The following STK33 variants were observed in gnomAD, a reference collection of about 807,000 sequenced individuals.
STK33 encodes the protein serine/threonine kinase 33.
Under a neutral mutation model 58.0 loss-of-function variants are expected in STK33, and 52 were observed. The observed-to-expected ratio is 0.90, with a 90% CI of 0.72 to 1.13. STK33 has a LOEUF of 1.13. Among genes scored for constraint, STK33 ranks in the 50% most tolerant of loss-of-function variants. STK33 has a pLI of 0.00. For synonymous variants in STK33, 215 were observed against 200.1 expected, an observed-to-expected ratio of 1.07 and a Z score of -0.63; for missense variants, 630 against 604.2, an observed-to-expected ratio of 1.04 and a Z score of -0.45.
At chr11:8,568,110 C>T (rs1007910802) in intron 1 of STK33, among the ~76,000 whole-genome samples, 2 of 152,048 alleles carry the variant, frequency 1.3e-5, no homozygotes, top group Non-Finnish European at 2.9e-5. Context: ...AAAATAATTG[C>T]CATCCAGAGA....
At chr11:8,538,854 CAGG>C (rs1955267762) in intron 1 of STK33, among the ~76,000 whole-genome samples, 1 of 152,194 alleles carries the variant, frequency 6.6e-6, no homozygotes, top group Non-Finnish European at 1.5e-5. Context: ...GATCTTCTAA[CAGG>C]AGGACTTCCT....
chr11:8,379,428 TAACTC>T, the STK33 span, among the ~76,000 whole-genome samples: 2 of 151,912 alleles, frequency 1.3e-5, no homozygotes, highest in Admixed American at 6.6e-5. Context: ...AATCTACAAA[TAACTC>T]AAACAGATTA....
chr11:8,342,859 C>T, the STK33 span, among the ~76,000 whole-genome samples: 1 of 152,162 alleles, frequency 6.6e-6, no homozygotes, highest in Non-Finnish European at 1.5e-5. Flanking sequence ...GACCAAAGAG[C>T]AAAAGGAGCA....
intron 1 of STK33, among the ~76,000 whole-genome samples, chr11:8,582,541 G>A (rs141063198): frequency 3.3e-5 from 5 of 152,236 alleles, no homozygotes; most frequent in African/African-American, 9.6e-5. Flanking sequence ...CAGATCTCAT[G>A]AGAATTCACT....
the STK33 span, among the ~76,000 whole-genome samples, chr11:8,374,401 C>A: frequency 0.12 from 17,913 of 152,224 alleles, 1,447 homozygotes; most frequent in African/African-American, 0.23. Flanking sequence ...AATGAGAGAA[C>A]TTTATTTTCT....
At chr11:8,520,909 G>A (rs1489181146) in intron 1 of STK33, among the ~76,000 whole-genome samples, 1 of 151,832 alleles carries the variant, frequency 6.6e-6, no homozygotes, top group Non-Finnish European at 1.5e-5. Context: ...TGTGAAAAAG[G>A]CCATACTGCA....
chr11:8,345,637 G>A, the STK33 span, among the ~76,000 whole-genome samples: 1 of 152,210 alleles, frequency 6.6e-6, no homozygotes. Flanking sequence ...CCTGTGTGGG[G>A]GACAGGCAGA....
intron 1 of STK33, among the ~76,000 whole-genome samples, chr11:8,523,513 G>A (rs975949846): frequency 3.4e-5 from 5 of 145,924 alleles, no homozygotes; most frequent in East Asian, 4.3e-4. Flanking sequence ...GAGCCCCTCC[G>A]CTGGGCAGCC....
At chr11:8,554,786 T>C (rs538578230) in intron 1 of STK33, among the ~76,000 whole-genome samples, 1 of 152,086 alleles carries the variant, frequency 6.6e-6, no homozygotes, top group South Asian at 2.1e-4. Flanking sequence ...AATCCATATG[T>C]CAGAAGGAGA....
chr11:8,451,945 C>G (rs1484262135), intron 11 of STK33, among the ~76,000 whole-genome samples: 1 of 152,150 alleles, frequency 6.6e-6, no homozygotes, highest in East Asian at 1.9e-4. Flanking sequence ...TGGCTCACGT[C>G]TGTAATCTCA....
intron 1 of STK33, among the ~76,000 whole-genome samples, chr11:8,585,477 A>G (rs1250055087): frequency 2.7e-5 from 4 of 150,128 alleles, no homozygotes; most frequent in East Asian, 4.0e-4. Context: ...CACCCGCCTC[A>G]GCCTCCCAAA....
At chr11:8,432,711 C>A (rs1943565675) in intron 14 of STK33, among the ~76,000 whole-genome samples, 1 of 152,162 alleles carries the variant, frequency 6.6e-6, no homozygotes, top group African/African-American at 2.4e-5. Flanking sequence ...GAGAGAACTA[C>A]ATATTTTCTT....
At chr11:8,397,551 G>C (rs1218557062) in intron 15 of STK33, among the ~76,000 whole-genome samples, 1 of 152,170 alleles carries the variant, frequency 6.6e-6, no homozygotes, top group Non-Finnish European at 1.5e-5. Context: ...AAAAATCGGA[G>C]CACCTCTCCT....
intron 1 of STK33, among the ~76,000 whole-genome samples, chr11:8,579,165 T>C (rs1958387786): frequency 2.6e-5 from 4 of 152,006 alleles, no homozygotes; most frequent in African/African-American, 7.2e-5. Context: ...CCACTAGAGA[T>C]TGGCCCAGAC....
chr11:8,505,907 C>T (rs1951830951), intron 1 of STK33, among the ~76,000 whole-genome samples: 1 of 152,194 alleles, frequency 6.6e-6, no homozygotes, highest in Non-Finnish European at 1.5e-5. Flanking sequence ...ACGTTAAGCT[C>T]TGTTAGCCTT....
At chr11:8,422,977 C>G (rs1321356041) in intron 14 of STK33, among the ~76,000 whole-genome samples, 1 of 150,480 alleles carries the variant, frequency 6.6e-6, no homozygotes, top group Non-Finnish European at 1.5e-5. Context: ...TACTAAAACT[C>G]AGCCGGGCAT....
chr11:8,461,787 C>T lies in STK33; in HGVS notation c.558+18G>A. 9 of 1,517,916 alleles carry T rather than the reference C, an allele frequency of 5.9e-6. No homozygotes were observed. Among genetic ancestry groups the T allele is most frequent in the South Asian group, 2.6e-5 (2 of 78,368 alleles). 94.0% of individuals were successfully genotyped at this position (1,517,916 alleles called of 1,614,324 possible). Reference sequence around the variant, plus strand: ...AATAATAACAACTTTCAAAATGCAGCGCCTAATAGAGGTTTACCTTTGGCG... The same window carrying T: ...AATAATAACAACTTTCAAAATGCAGTGCCTAATAGAGGTTTACCTTTGGCG... On this transcript the variant is annotated intron_variant, in intron 8 of 15. Coordinates refer to ENST00000687296, the MANE Select transcript of STK33 (RefSeq NM_001352389.2).
rs148552163 is a variant in STK33 at position 8,541,657 on chromosome 11, C to T, written c.-466+52426G>A. Among the ~76,000 whole-genome samples the T allele has an allele frequency of 3.8e-3, 578 of 152,216 alleles. 7 individuals carry two copies. Among genetic ancestry groups the T allele is most frequent in the African/African-American group, 0.013 (557 of 41,548 alleles). The stretch of plus-strand genomic sequence containing the variant: ...TAAAACTTTGATATAGTCCTAAATT[C>T]GTTGCTATTTTACTTTCCATTTGTT... On this transcript the variant is annotated intron_variant, in intron 1 of 15. Transcript: ENST00000687296.
In STK33 at chr11:8,413,551, GT is replaced by G; in HGVS notation, c.1287del (p.Gln429HisfsTer62). Reference sequence around the variant, plus strand: ...TTGGCATCAGGGACATTTCCCCAGGGTTGGTAACTTTTCAACTTTTCTTCAG... The same window carrying G: ...TTGGCATCAGGGACATTTCCCCAGGGTGGTAACTTTTCAACTTTTCTTCAG... ...PSTEEKLKSY[Q>X]PWGNVPDANY... On this transcript the variant is annotated frameshift_variant, in exon 15 of 16. Transcript: ENST00000687296. LOFTEE classifies it high-confidence loss of function. 1.2e-6 allele frequency: 2 copies of G among 1,613,954 alleles called. No homozygotes were observed. The highest frequency in any genetic ancestry group is 1.7e-6 in the Non-Finnish European group (2 of 1,179,932).
Sources: allele counts gnomAD v4.1 joint callset (sites outside exome capture counted in the v4.1 genomes callset), GRCh38; gene constraint gnomAD v4.1.1; transcripts MANE v1.5; gene names NCBI Gene and HGNC (gene_info 2026-07-23, HGNC 2026-07-21).